Variants in C6orf132 observed in about 807,000 individuals in gnomAD.
The protein encoded by C6orf132 is chromosome 6 open reading frame 132.
Under a neutral mutation model 65.3 loss-of-function variants are expected in C6orf132, and 43 were observed. The observed-to-expected ratio is 0.66, with a 90% confidence interval of 0.52 to 0.85. The LOEUF (loss-of-function observed/expected upper bound fraction) is 0.85, where lower values mean the gene tolerates loss of function less well. Among genes scored for constraint, C6orf132 ranks in the 40% least tolerant of loss-of-function variants. The pLI is 0.00. For missense variants in C6orf132, 1,488 were observed against 1,548.8 expected, an observed-to-expected ratio of 0.96 and a Z score of 0.66; for synonymous variants, 631 against 654.1, an observed-to-expected ratio of 0.96 and a Z score of 0.54.
intron 2 of C6orf132, among the ~76,000 whole-genome samples, chr6:42,116,863 C>A (rs1043407778): frequency 6.6e-6 from 1 of 152,132 alleles, no homozygotes; most frequent in Admixed American, 6.5e-5. Context: ...CAAAAACCAC[C>A]TGTTGGAGGA....
chr6:42,103,301 G>GA lies in C6orf132; in HGVS notation c.*459dup, dbSNP rs397809860. 2 of 303,972 alleles carry GA rather than the reference G, an allele frequency of 6.6e-6. No individual in the cohort carries two copies. The highest frequency in any genetic ancestry group is 1.0e-5 in the Non-Finnish European group (2 of 190,484). The allele number at this position is 303,972 out of a possible 1,614,324, so 18.8% of individuals were successfully genotyped here. A position where few individuals can be genotyped will look rare whatever the true frequency, so the allele number is the denominator to read the frequency against. On this transcript the variant is annotated 3_prime_UTR_variant, in exon 5 of 5. Transcript: ENST00000341865. Reference sequence around the variant, plus strand: ...CCTTCGGTGCCCTGCACACCCACCAGACAGAGCTGGGCCTCAGCCCTTTGC... The same window carrying GA: ...CCTTCGGTGCCCTGCACACCCACCAGAACAGAGCTGGGCCTCAGCCCTTTGC...
intron 2 of C6orf132, among the ~76,000 whole-genome samples, chr6:42,117,825 G>A (rs900589469): frequency 1.5e-5 from 2 of 130,810 alleles, no homozygotes; most frequent in African/African-American, 5.9e-5. Context: ...TTGGGAGGCT[G>A]AGGCAGGAGA....
At position 42,105,085 on chromosome 6, in the gene C6orf132, G is replaced by C. The variant is rs1482356691; in HGVS notation, c.2827C>G (p.Pro943Ala). The change falls in exon 4 of 5, where the codon CCT becomes GCT. Residue 943 changes from proline (P) to alanine (A), a missense_variant. Transcript: ENST00000341865. ...GGAGCTACTCTTTCCCAGGCCACAGGGGCCTGGGGCTCTGGCTTTGTCCAG... is the reference window on the plus strand; with the variant it reads ...GGAGCTACTCTTTCCCAGGCCACAGCGGCCTGGGGCTCTGGCTTTGTCCAG... ...HNWTKPEPQAPVAWERVAPSN... is the reference protein window; with the variant it reads ...HNWTKPEPQAAVAWERVAPSN... 1 of 1,536,978 alleles carries C rather than the reference G, an allele frequency of 6.5e-7. No individual in the cohort carries two copies. The highest frequency in any genetic ancestry group is 1.4e-5 in the African/African-American group (1 of 73,132).
rs1766339187 is a variant in C6orf132 at position 42,103,837 on chromosome 6, G to A, written c.3491C>T (p.Thr1164Met). The change falls in exon 5 of 5, where the codon ACG becomes ATG. Residue 1164 changes from threonine (T) to methionine (M), a missense_variant. Coordinates refer to ENST00000341865, the MANE Select transcript of C6orf132 (RefSeq NM_001164446.3). Reference sequence around the variant, plus strand: ...GCGGGTCCCAGGCCTCACGGTGAACGTGTTGATGGGGCTTCCATAGCGGGT... The same window carrying A: ...GCGGGTCCCAGGCCTCACGGTGAACATGTTGATGGGGCTTCCATAGCGGGT... Reference protein sequence around the residue: ...TTTRYGSPINTFTVRPGTRHP... With the variant: ...TTTRYGSPINMFTVRPGTRHP... The A allele has an allele frequency of 1.3e-6, 2 of 1,492,506 alleles. No individual in the cohort carries two copies. Among genetic ancestry groups the A allele is most frequent in the Non-Finnish European group, 1.8e-6 (2 of 1,123,498 alleles). The allele number at this position is 1,492,506 out of a possible 1,614,324, so 92.5% of individuals were successfully genotyped here.
At position 42,124,268 on chromosome 6, in the gene C6orf132, C is replaced by T. The variant is rs1448097423; in HGVS notation, c.252+4404G>A. 2.6e-5 allele frequency among the ~76,000 whole-genome samples: 4 copies of T among 152,226 alleles called. No individual in the cohort carries two copies. The highest frequency in any genetic ancestry group is 9.6e-5 in the African/African-American group (4 of 41,462). ...GGTCCTTTTCCTAGCTGGCCTTTGG[C>T]TGCTGGATGCCTGATAAACACTTCG... On this transcript the variant is annotated intron_variant, in intron 2 of 4. Transcript: ENST00000341865. The surrounding 1 kb of genome is among the most constrained non-coding windows in gnomAD (Gnocchi z 4.0).
intron 1 of C6orf132, among the ~76,000 whole-genome samples, chr6:42,139,365 T>A (rs967915715): frequency 7.0e-6 from 1 of 142,762 alleles, no homozygotes; most frequent in African/African-American, 2.7e-5. Flanking sequence ...AAGTGCTCCA[T>A]GCTGGGAACG....
intron 1 of C6orf132, among the ~76,000 whole-genome samples, chr6:42,132,867 AAG>A (rs1554183103): frequency 2.9e-5 from 4 of 137,846 alleles, no homozygotes; most frequent in African/African-American, 8.5e-5. Context: ...AAAAAAAAAA[AAG>A]AAAAGAAAAG....
chr6:42,127,888 T>A (rs1766789882), intron 2 of C6orf132, among the ~76,000 whole-genome samples: 1 of 152,056 alleles, frequency 6.6e-6, no homozygotes, highest in African/African-American at 2.4e-5. Context: ...AAATAGCCCA[T>A]TAGTATTTTT....
At chr6:42,117,664 G>A (rs1766603572) in intron 2 of C6orf132, among the ~76,000 whole-genome samples, 1 of 152,118 alleles carries the variant, frequency 6.6e-6, no homozygotes, top group South Asian at 2.1e-4. Flanking sequence ...GCTCACGCCT[G>A]TAATCCCAGC....
Position 42,107,211 on chromosome 6 carries a change from G to A in C6orf132, c.701C>T (p.Pro234Leu), listed in dbSNP as rs1766426297. 7.0e-7 allele frequency: 1 copy of A among 1,427,208 alleles called. No homozygotes were observed. Among genetic ancestry groups the A allele is most frequent in the Non-Finnish European group, 9.1e-7 (1 of 1,095,108 alleles). The allele number at this position is 1,427,208 out of a possible 1,614,324, so 88.4% of individuals were successfully genotyped here. Residue 234 changes from proline to leucine, a missense_variant, in exon 4 of 5, where the codon CCA (proline) becomes CTA (leucine). Coordinates refer to ENST00000341865, the MANE Select transcript of C6orf132 (RefSeq NM_001164446.3). ...LAPPPPPVPA[P>L]APPAPASPHT... Reference sequence around the variant, plus strand: ...AGGAGATGCTGGAGCTGGGGGTGCTGGGGCTGGCACAGGAGGCGGTGGGGG... The same window carrying A: ...AGGAGATGCTGGAGCTGGGGGTGCTAGGGCTGGCACAGGAGGCGGTGGGGG...
chr6:42,107,623 G>A (rs970388142), intron 3 of C6orf132, 40 bp from the exon 4 acceptor site: 2 of 1,549,904 alleles, frequency 1.3e-6, no homozygotes, highest in African/African-American at 1.4e-5. Context: ...CAGGAACAAG[G>A]CAGACTAGCC....
At chr6:42,140,086 G>A (rs955102309) in intron 1 of C6orf132, among the ~76,000 whole-genome samples, 2 of 152,212 alleles carry the variant, frequency 1.3e-5, no homozygotes, top group South Asian at 2.1e-4. Context: ...GGAACACCCC[G>A]GAAACACTGA....
intron 1 of C6orf132, among the ~76,000 whole-genome samples, chr6:42,138,354 C>T (rs1355851356): frequency 6.6e-6 from 1 of 152,136 alleles, no homozygotes; most frequent in East Asian, 1.9e-4. Flanking sequence ...TGCAGTGGCG[C>T]AATCTTGGCT....
At chr6:42,127,070 T>C (rs1426671924) in intron 2 of C6orf132, among the ~76,000 whole-genome samples, 1 of 151,858 alleles carries the variant, frequency 6.6e-6, no homozygotes, top group East Asian at 2.0e-4. Context: ...TCCTCCTGCC[T>C]CAGCCTCCCA....
Position 42,107,363 on chromosome 6 carries a change from CGG to C in C6orf132, c.547_548del (p.Pro183AlafsTer30). On this transcript the variant is annotated frameshift_variant, in exon 4 of 5. Transcript: ENST00000341865. LOFTEE classifies it high-confidence loss of function. Reference protein sequence around the residue: ...PPPLLLEPPPPPSMAPPPPPV... With the variant: ...PPPLLLEPPPXPSMAPPPPPV... ...GGGGTGGAGGTGGGGCCATGCTGGG[CGG>C]GGGTGGGGGTTCCAGCAGCAGGGGA... 3 of 245,654 alleles carry C rather than the reference CGG, an allele frequency of 1.2e-5. No individual in the cohort carries two copies. The highest frequency in any genetic ancestry group is 2.1e-5 in the Non-Finnish European group (3 of 140,130). The allele number at this position is 245,654 out of a possible 1,614,324, so 15.2% of individuals were successfully genotyped here.
At position 42,105,261 on chromosome 6, in the gene C6orf132, T is replaced by C. The variant is rs1371775709; in HGVS notation, c.2651A>G (p.His884Arg). Residue 884 changes from histidine (H) to arginine (R), a missense_variant, in exon 4 of 5, where the codon CAC becomes CGC. Coordinates refer to ENST00000341865, the MANE Select transcript of C6orf132 (RefSeq NM_001164446.3). Reference protein sequence around the residue: ...QAEASSDSIFHSQGTPNSFTV... With the variant: ...QAEASSDSIFRSQGTPNSFTV... ...GAAGGAGTTGGGCGTGCCCTGGCTG[T>C]GGAAGATGCTGTCAGAGCTGGCCTC... is the stretch of plus-strand genomic sequence containing the variant. 1 of 1,537,052 alleles carries C rather than the reference T, an allele frequency of 6.5e-7. No individual in the cohort carries two copies. The highest frequency in any genetic ancestry group is 8.7e-7 in the Non-Finnish European group (1 of 1,146,896).
rs1008629799 is a variant in C6orf132 at position 42,105,675 on chromosome 6, T to C, written c.2237A>G (p.Gln746Arg). ...SPSEATRLPT[Q>R]GARSSAAFPP... ...GAAGGCTGCAGATGAGCGGGCTCCCTGTGTGGGCAGCCTAGTGGCCTCTGA... is the reference window on the plus strand; with the variant it reads ...GAAGGCTGCAGATGAGCGGGCTCCCCGTGTGGGCAGCCTAGTGGCCTCTGA... The change falls in exon 4 of 5, where the codon CAG becomes CGG. Residue 746 changes from glutamine (Q) to arginine (R), a missense_variant. Gln to Arg is a conservative substitution (Grantham distance 43, BLOSUM62 1). Transcript: ENST00000341865. The C allele has an allele frequency of 3.9e-6, 6 of 1,537,144 alleles. No homozygotes were observed. The African/African-American group carries it at 8.2e-5, about 21-fold the overall frequency.
At chr6:42,110,415 T>A in intron 2 of C6orf132, 124 bp from the exon 3 acceptor site, 1 of 665,874 alleles carries the variant, frequency 1.5e-6, no homozygotes, top group Non-Finnish European at 2.5e-6. Context: ...TGCATAACCT[T>A]GTGCATATAC....
intron 1 of C6orf132, among the ~76,000 whole-genome samples, chr6:42,139,690 GT>G (rs564969799): frequency 1.3e-5 from 2 of 151,568 alleles, no homozygotes; most frequent in Non-Finnish European, 2.9e-5. Flanking sequence ...TTTTTTTTGC[GT>G]TTTTTTGTTT....
Sources: allele counts gnomAD v4.1 joint callset (sites outside exome capture counted in the v4.1 genomes callset), GRCh38; gene constraint gnomAD v4.1.1; non-coding constraint Gnocchi (gnomAD v3.1); transcripts MANE v1.5; gene names NCBI Gene and HGNC (gene_info 2026-07-23, HGNC 2026-07-21).